PATZ1: variants seen among roughly 807,000 people sequenced by gnomAD.
PATZ1 encodes the protein POZ/BTB and AT hook containing zinc finger 1, also known as POZ-, AT hook-, and zinc finger-containing protein 1.
Under a neutral mutation model 46.2 loss-of-function variants are expected in PATZ1, and 9 were observed. The ratio of observed to expected loss-of-function variants is 0.19; its 90% CI spans 0.12 to 0.34. PATZ1 has a LOEUF of 0.34. PATZ1 is among the 10% of genes least tolerant of loss of function. The pLI is 1.00. For missense variants in PATZ1, 632 were observed against 923.0 expected (o/e 0.68, Z 4.08); for synonymous variants, 426 against 378.6 (o/e 1.13, Z -1.45).
intron 1 of PATZ1, 57 bp downstream of exon 1, chr22:31,344,275 G>C (rs1477615407): frequency 6.9e-7 from 1 of 1,458,102 alleles, no homozygotes; most frequent in Admixed American, 2.1e-5. Flanking sequence ...CTTGGCAGGA[G>C]CCTTTTCAGG....
rs913575415 is a variant in PATZ1 at position 31,342,822 on chromosome 22, C to T, written c.1335+75G>A. 36 of 1,528,852 alleles carry T rather than the reference C, an allele frequency of 2.4e-5. No individual in the cohort carries two copies. In the East Asian group the frequency reaches 5.3e-4, roughly 22 times the overall value. 94.7% of individuals were successfully genotyped at this position (1,528,852 alleles called of 1,614,324 possible). On this transcript the variant is annotated intron_variant, in intron 2 of 4. Transcript: ENST00000266269. ...TCAGCCGGGCCCCCGGCACACGCAG[C>T]GGCTGGCTCAAGGCTGCGACCGTGA...
chr22:31,330,698 TC>T (rs2049430655), intron 3 of PATZ1, among the ~76,000 whole-genome samples: 1 of 152,214 alleles, frequency 6.6e-6, no homozygotes, highest in South Asian at 2.1e-4. Context: ...ATCCTACTGC[TC>T]AAGATCATCA....
chr22:31,342,829 C>A, intron 2 of PATZ1, 68 bp downstream of exon 2: 2 of 1,572,336 alleles, frequency 1.3e-6, no homozygotes, highest in Non-Finnish European at 8.7e-7. Context: ...CAGCGGCTGG[C>A]TCAAGGCTGC....
Position 31,340,877 on chromosome 22 carries a change from CAA to C in PATZ1, c.1335+2018_1335+2019del, listed in dbSNP as rs1443750678. 9 of 1,063,848 alleles carry C rather than the reference CAA, an allele frequency of 8.5e-6. No homozygotes were observed. The African/African-American group carries it at 9.8e-5, about 12-fold the overall frequency. The allele number at this position is 1,063,848 out of a possible 1,614,324, so 65.9% of individuals were successfully genotyped here. ...GACCTGCTAATAAACCTCAAAAACA[CAA>C]AAGTCTACTTCACTAGCCAGAAATG... On this transcript the variant is annotated intron_variant, in intron 2 of 4. Transcript: ENST00000266269.
In PATZ1 at chr22:31,344,856, G is replaced by A. The variant is rs759161425; in HGVS notation, c.747C>T (p.Ser249=). 3 of 1,612,752 alleles carry A rather than the reference G, an allele frequency of 1.9e-6. No individual in the cohort carries two copies. The highest frequency in any genetic ancestry group is 4.5e-5 in the East Asian group (2 of 44,900). ...CACTGGATGCCACACTGGGGAATGGGGAAGTCAGCAGTTGGGGGGATAGGG... is the reference window on the plus strand; with the variant it reads ...CACTGGATGCCACACTGGGGAATGGAGAAGTCAGCAGTTGGGGGGATAGGG... ...AGPLSPQLLT[S]PFPSVASSAP... Residue 249 remains serine, a synonymous_variant, in exon 1 of 5, where the codon TCC becomes TCT. Coordinates refer to ENST00000266269, the MANE Select transcript of PATZ1 (RefSeq NM_014323.3).
intron 2 of PATZ1, chr22:31,338,008 A>T (rs1277631221): frequency 6.6e-6 from 1 of 152,216 alleles, no homozygotes; most frequent in Non-Finnish European, 1.5e-5. Context: ...TAAACATTAT[A>T]CATTTGAACT....
chr22:31,341,509 G>A (rs1303515890), intron 2 of PATZ1: 1 of 1,613,890 alleles, frequency 6.2e-7, no homozygotes, highest in Non-Finnish European at 8.5e-7. Flanking sequence ...TTGCTGGAGT[G>A]TGCTGGGCCC....
At chr22:31,334,077 T>C (rs2049478777) in intron 3 of PATZ1, among the ~76,000 whole-genome samples, 1 of 152,246 alleles carries the variant, frequency 6.6e-6, no homozygotes, top group Non-Finnish European at 1.5e-5. Flanking sequence ...AACTTCCATA[T>C]TGAAAACTTG....
rs778687462 is a variant in PATZ1, at chr22:31,327,043, C to A, written c.1912G>T (p.Asp638Tyr). 1.9e-6 allele frequency: 3 copies of A among 1,613,892 alleles called. No individual in the cohort carries two copies. Among genetic ancestry groups the A allele is most frequent in the Non-Finnish European group, 2.5e-6 (3 of 1,179,994 alleles). The change falls in exon 5 of 5, where the codon GAC becomes TAC. Residue 638 changes from aspartate to tyrosine, a missense_variant. This residue lies in a region of PATZ1 where 176 missense variants were observed against 249.4 expected (regional missense o/e 0.71). Transcript: ENST00000266269. This position sits in a 1 kb window ranked among gnomAD's most constrained non-coding sequence, Gnocchi z 4.2. Reference sequence around the variant, plus strand: ...GGTGAGCCAAGGGCAGGGCCCAGGTCCCCCAGGGGGCCCCCGAGAGCCCGG... The same window carrying A: ...GGTGAGCCAAGGGCAGGGCCCAGGTACCCCAGGGGGCCCCCGAGAGCCCGG... ...HVRALGGPLG[D>Y]LGPALGSPFS...
At chr22:31,333,615 G>A (rs1189089442) in intron 3 of PATZ1, among the ~76,000 whole-genome samples, 1 of 151,816 alleles carries the variant, frequency 6.6e-6, no homozygotes, top group Non-Finnish European at 1.5e-5. Flanking sequence ...GGTTGGACCA[G>A]CACCTTCTTT....
intron 1 of PATZ1, chr22:31,343,474 CGCCTGAGCAGGTGGGCAGGGGCT>C (rs1223440107): frequency 6.1e-6 from 6 of 985,318 alleles, no homozygotes; most frequent in Non-Finnish European, 6.0e-6. Flanking sequence ...GCCAGATGCC[CGCCTGAGCAGGTGGGCAGGGGCT>C]GCCTGACCGG....
In PATZ1 at chr22:31,327,136, A is replaced by G. The variant is rs753995897; in HGVS notation, c.1819T>C (p.Cys607Arg). The change falls in exon 5 of 5, where the codon TGC becomes CGC. Residue 607 changes from cysteine to arginine, a missense_variant. By Grantham distance (180) the Cys-to-Arg change is radical. Around this residue, in one of 7 missense-constraint regions of PATZ1, gnomAD observed 176 missense variants for 249.4 expected, o/e 0.71. Transcript: ENST00000266269. The surrounding 1 kb of genome is among the most constrained non-coding windows in gnomAD (Gnocchi z 4.2). ...MESDGEKKYP[C>R]PECGSFFRSK... is the part of the protein sequence containing the mutation. ...CGGAAGAAGCTCCCACATTCAGGGC[A>G]TGGGTACTTCTTCTCCCCATCAGAC... 1 of 1,614,126 alleles carries G rather than the reference A, an allele frequency of 6.2e-7. No homozygotes were observed. The highest frequency in any genetic ancestry group is 1.1e-5 in the South Asian group (1 of 91,082).
chr22:31,342,767 CAGAGGGGAGG>C, intron 2 of PATZ1, 120 bp downstream of exon 2: 2 of 867,254 alleles, frequency 2.3e-6, no homozygotes, highest in Admixed American at 4.2e-5. Context: ...GGTGGAGGAA[CAGAGGGGAGG>C]TGTGCAAAGC....
chr22:31,332,041 G>A (rs2049450346), intron 3 of PATZ1, among the ~76,000 whole-genome samples: 1 of 152,158 alleles, frequency 6.6e-6, no homozygotes, highest in South Asian at 2.1e-4. Flanking sequence ...AACCAAGGAG[G>A]TGGAGGTTGT....
At position 31,344,472 on chromosome 22, in the gene PATZ1, G is replaced by A; in HGVS notation, c.1131C>T (p.His377=). 2 of 1,614,244 alleles carry A rather than the reference G, an allele frequency of 1.2e-6. No individual in the cohort carries two copies. The highest frequency in any genetic ancestry group is 1.7e-6 in the Non-Finnish European group (2 of 1,180,042). The change falls in exon 1 of 5, where the codon CAC becomes CAT. Residue 377 remains histidine, a synonymous_variant. Transcript: ENST00000266269. The part of the protein sequence containing the change: ...VYHLNRHKLS[H]SGEKPYSCPV... Reference sequence around the variant, plus strand: ...GGCAGGAGTAGGGCTTCTCCCCAGAGTGGGACAGCTTGTGCCGGTTAAGAT... The same window carrying A: ...GGCAGGAGTAGGGCTTCTCCCCAGAATGGGACAGCTTGTGCCGGTTAAGAT...
chr22:31,327,392 C>T lies in PATZ1; in HGVS notation c.1646-83G>A, dbSNP rs2145808582. ...CTGGAGGGGTCATGAGGGGCCAGCTCACAGACCTGTGGAGGGCAGCCATTG... is the reference window on the plus strand; with the variant it reads ...CTGGAGGGGTCATGAGGGGCCAGCTTACAGACCTGTGGAGGGCAGCCATTG... On this transcript the variant is annotated intron_variant, in intron 4 of 4. Transcript: ENST00000266269. This position sits in a 1 kb window ranked among gnomAD's most constrained non-coding sequence, Gnocchi z 4.2. 8.4e-7 allele frequency: 1 copy of T among 1,193,234 alleles called. No individual in the cohort carries two copies. The highest frequency in any genetic ancestry group is 2.3e-5 in the East Asian group (1 of 42,558). 73.9% of individuals were successfully genotyped at this position (1,193,234 alleles called of 1,614,324 possible). A position where few individuals can be genotyped will look rare whatever the true frequency, so the allele number is the denominator to read the frequency against.
rs774546156 is a variant in PATZ1 at position 31,327,209 on chromosome 22, G to A, written c.1746C>T (p.Ala582=). 23 of 1,614,204 alleles carry A rather than the reference G, an allele frequency of 1.4e-5. No homozygotes were observed. The highest frequency in any genetic ancestry group is 1.9e-5 in the Non-Finnish European group (23 of 1,180,012). The change falls in exon 5 of 5, where the codon GCC becomes GCT. Residue 582 remains alanine, a synonymous_variant. Transcript: ENST00000266269. The surrounding 1 kb of genome is among the most constrained non-coding windows in gnomAD (Gnocchi z 4.2). ...CCATGTCGCAGGAGAAAGAGCCATTGGCACTCTGCTTCTCTGGCGTCTTCA... is the reference window on the plus strand; with the variant it reads ...CCATGTCGCAGGAGAAAGAGCCATTAGCACTCTGCTTCTCTGGCGTCTTCA... ...SDLKTPEKQS[A]NGSFSCDMAV... is the part of the protein sequence containing the mutation.
chr22:31,342,102 T>C (rs1238349133), intron 2 of PATZ1, among the ~76,000 whole-genome samples: 2 of 151,978 alleles, frequency 1.3e-5, no homozygotes, highest in African/African-American at 4.8e-5. Context: ...GAACTTGGCA[T>C]GGGAGAGGGG....
At chr22:31,343,274 A>G in intron 1 of PATZ1, 1 of 1,103,352 alleles carries the variant, frequency 9.1e-7, no homozygotes, top group Non-Finnish European at 1.1e-6. Context: ...GTAGAATGAA[A>G]CAGAGCTGCC....
Sources: gnomAD v4.1 joint callset for allele counts (sites outside exome capture counted in the v4.1 genomes callset) on GRCh38, gnomAD v4.1.1 for gene constraint, gnomAD v4.1.1 regional missense constraint, Gnocchi (gnomAD v3.1) non-coding constraint, MANE v1.5 for transcripts, NCBI Gene and HGNC (gene_info 2026-07-23, HGNC 2026-07-21) for gene names.